The following PDILT variants were observed in gnomAD, a reference collection of about 807,000 sequenced individuals.
PDILT encodes the protein protein disulfide isomerase like, testis expressed.
PDILT carries 43 observed loss-of-function variants against 53.7 expected under a neutral mutation model. That is an observed-to-expected ratio of 0.80 (90% CI 0.63 to 1.03). The LOEUF (loss-of-function observed/expected upper bound fraction) is 1.03, where lower values mean the gene tolerates loss of function less well. PDILT is among the 50% of genes least tolerant of loss of function. PDILT has a pLI of 0.00. For synonymous variants in PDILT, 282 were observed against 274.2 expected (o/e 1.03, Z -0.28); for missense variants, 727 against 712.3 (o/e 1.02, Z -0.24).
intron 3 of PDILT, among the ~76,000 whole-genome samples, chr16:20,378,408 G>A (rs892062799): frequency 3.3e-5 from 5 of 151,884 alleles, no homozygotes; most frequent in African/African-American, 9.7e-5. Context: ...TCTCCTTCTT[G>A]TTCTTCTTCT....
At chr16:20,400,858 A>G (rs1049144353) in intron 1 of PDILT, among the ~76,000 whole-genome samples, 54 of 152,222 alleles carry the variant, frequency 3.5e-4, no homozygotes, top group African/African-American at 1.3e-3. Flanking sequence ...TACTATGATC[A>G]TACTTAATGA....
chr16:20,386,733 T>G (rs1311479480), intron 2 of PDILT, among the ~76,000 whole-genome samples: 4 of 152,212 alleles, frequency 2.6e-5, no homozygotes, highest in Non-Finnish European at 5.9e-5. Context: ...CTATCCATCA[T>G]CACCAGCATG....
chr16:20,397,507 A>G (rs1966676871), intron 2 of PDILT, among the ~76,000 whole-genome samples: 1 of 152,174 alleles, frequency 6.6e-6, no homozygotes, highest in South Asian at 2.1e-4. Context: ...GCTCAAGATC[A>G]CCAGCCCAAG....
intron 3 of PDILT, among the ~76,000 whole-genome samples, chr16:20,380,523 A>G (rs560347329): frequency 6.6e-6 from 1 of 152,156 alleles, no homozygotes; most frequent in African/African-American, 2.4e-5. Context: ...TTTTTAGTAG[A>G]GATGGGGTTT....
At position 20,384,634 on chromosome 16, in the gene PDILT, A is replaced by G. The variant is rs768704623; in HGVS notation, c.409+11T>C. 1.9e-6 allele frequency: 3 copies of G among 1,614,004 alleles called. No homozygotes were observed. In the Admixed American group the frequency reaches 5.0e-5, roughly 27 times the overall value. ...GAGCATGAAACAAGTGTGACACACA[A>G]GCACCATTACCTTTGCAGCTGATGG... is the stretch of plus-strand genomic sequence containing the variant. On this transcript the variant is annotated intron_variant, in intron 3 of 11. Coordinates refer to ENST00000302451, the MANE Select transcript of PDILT (RefSeq NM_174924.2).
intron 1 of PDILT, among the ~76,000 whole-genome samples, chr16:20,403,323 CT>C (rs1334505013): frequency 6.6e-6 from 1 of 152,152 alleles, no homozygotes; most frequent in Non-Finnish European, 1.5e-5. Flanking sequence ...GAGTTTTGCT[CT>C]TGTTGCCCAG....
In PDILT at chr16:20,359,292, G is replaced by A. The variant is rs1334682600; in HGVS notation, c.*27C>T. On this transcript the variant is annotated 3_prime_UTR_variant, in exon 12 of 12. Coordinates refer to ENST00000302451, the MANE Select transcript of PDILT (RefSeq NM_174924.2). ...AATGATGCCAGGATCTGGAAAATAA[G>A]CATCTTTTTTCCTGGTATTGGAGAA... is the stretch of plus-strand genomic sequence containing the variant. 3 of 1,605,824 alleles carry A rather than the reference G, an allele frequency of 1.9e-6. No homozygotes were observed. Among genetic ancestry groups the A allele is most frequent in the Non-Finnish European group, 2.5e-6 (3 of 1,176,704 alleles).
Position 20,399,327 on chromosome 16 carries a change from AACAGAG to A in PDILT, c.-7-26_-7-21del. Reference sequence around the variant, plus strand: ...GCTGTCCTGCAGGGGCCGGAGAAGGAACAGAGACCTTATCAACACAGGTGGTGGAGC... The same window carrying A: ...GCTGTCCTGCAGGGGCCGGAGAAGGAACCTTATCAACACAGGTGGTGGAGC... On this transcript the variant is annotated intron_variant, in intron 1 of 11. Transcript: ENST00000302451. 1 of 1,611,318 alleles carries A rather than the reference AACAGAG, an allele frequency of 6.2e-7. No homozygotes were observed. The highest frequency in any genetic ancestry group is 8.5e-7 in the Non-Finnish European group (1 of 1,178,948).
intron 8 of PDILT, among the ~76,000 whole-genome samples, chr16:20,366,006 C>T (rs189553571): frequency 6.7e-6 from 1 of 149,880 alleles, no homozygotes; most frequent in Non-Finnish European, 1.5e-5. Context: ...AAGAGAATTG[C>T]TTGAACCCAG....
intron 5 of PDILT, among the ~76,000 whole-genome samples, chr16:20,374,331 G>A (rs1490792635): frequency 6.6e-6 from 1 of 152,048 alleles, no homozygotes; most frequent in Non-Finnish European, 1.5e-5. Flanking sequence ...GATGTTGCCT[G>A]GGTTTTCTGG....
chr16:20,367,262 C>T (rs1966226720), intron 8 of PDILT, among the ~76,000 whole-genome samples: 1 of 151,934 alleles, frequency 6.6e-6, no homozygotes, highest in East Asian at 1.9e-4. Flanking sequence ...GCCACCACAC[C>T]CGGCTAATGT....
intron 9 of PDILT, 116 bp downstream of exon 9, chr16:20,365,304 C>T: frequency 8.5e-7 from 1 of 1,179,504 alleles, no homozygotes; most frequent in South Asian, 1.4e-5. Flanking sequence ...TGAAGACCAT[C>T]CTTGGCATGG....
At chr16:20,372,232 C>G (rs1485230436) in intron 7 of PDILT, among the ~76,000 whole-genome samples, 1 of 152,200 alleles carries the variant, frequency 6.6e-6, no homozygotes, top group Non-Finnish European at 1.5e-5. Context: ...CTAATTCTTA[C>G]TACAACAGTC....
chr16:20,376,794 A>G (rs1213830350), intron 3 of PDILT, among the ~76,000 whole-genome samples: 1 of 152,186 alleles, frequency 6.6e-6, no homozygotes, highest in African/African-American at 2.4e-5. Flanking sequence ...GTTGGTGTCA[A>G]GCACACAAAA....
intron 2 of PDILT, among the ~76,000 whole-genome samples, chr16:20,398,871 C>T (rs1220175150): frequency 6.6e-6 from 1 of 152,218 alleles, no homozygotes; most frequent in Non-Finnish European, 1.5e-5. Context: ...GAGCCACATA[C>T]AAATCCAAGA....
In PDILT at chr16:20,359,320, T is replaced by C. The variant is rs767015401; in HGVS notation, c.1754A>G (p.Ter585TrpextTer34). The change falls in exon 12 of 12, where the codon TAG (stop) becomes TGG (tryptophan). Residue 585 changes from the stop codon to tryptophan (W), a stop_lost. Coordinates refer to ENST00000302451, the MANE Select transcript of PDILT (RefSeq NM_174924.2). ...KKKPKVKEEL* is the reference protein window; with the variant it reads ...KKKPKVKEELW Reference sequence around the variant, plus strand: ...TCTTTTTTCCTGGTATTGGAGAAGCTAAAGTTCTTCCTTGACTTTTGGTTT... The same window carrying C: ...TCTTTTTTCCTGGTATTGGAGAAGCCAAAGTTCTTCCTTGACTTTTGGTTT... The C allele has an allele frequency of 1.2e-6, 2 of 1,613,336 alleles. No homozygotes were observed. The highest frequency in any genetic ancestry group is 4.5e-5 in the East Asian group (2 of 44,882).
At chr16:20,399,416 T>C (rs557140263) in intron 1 of PDILT, 109 bp from the exon 2 acceptor site, 8 of 1,179,882 alleles carry the variant, frequency 6.8e-6, no homozygotes, top group Admixed American at 2.0e-5. Context: ...GAATGTGGCC[T>C]GAGCATTGCC....
intron 10 of PDILT, among the ~76,000 whole-genome samples, chr16:20,361,263 G>T (rs2141697270): frequency 6.9e-6 from 1 of 144,156 alleles, no homozygotes; most frequent in East Asian, 2.0e-4. Context: ...TCAGCTCACT[G>T]CAACCTCTGC....
At chr16:20,387,968 T>A (rs1368125843) in intron 2 of PDILT, among the ~76,000 whole-genome samples, 1 of 152,124 alleles carries the variant, frequency 6.6e-6, no homozygotes, top group Non-Finnish European at 1.5e-5. Flanking sequence ...ACTACAGTAA[T>A]CCAGGCAAGA....
Sources: allele counts gnomAD v4.1 joint callset (sites outside exome capture counted in the v4.1 genomes callset), GRCh38; gene constraint gnomAD v4.1.1; transcripts MANE v1.5; gene names NCBI Gene and HGNC (gene_info 2026-07-23, HGNC 2026-07-21).